NEO1: variants seen among roughly 807,000 people sequenced by gnomAD.
The protein encoded by NEO1 is neogenin 1, also known as neogenin.
A neutral mutation model predicts 159.7 loss-of-function variants in NEO1; 63 were observed. The observed-to-expected ratio is 0.39, with a 90% CI of 0.32 to 0.49. The LOEUF is 0.49. NEO1 is among the 20% of genes least tolerant of loss of function. NEO1 has a pLI of 0.85. For missense variants in NEO1, 1,615 were observed against 1,831.0 expected (o/e 0.88, Z 2.15); for synonymous variants, 633 against 662.0 (o/e 0.96, Z 0.67).
At chr15:73,086,741 G>A (rs1348849532) in intron 1 of NEO1, among the ~76,000 whole-genome samples, 7 of 145,148 alleles carry the variant, frequency 4.8e-5, no homozygotes, top group Non-Finnish European at 7.5e-5. Flanking sequence ...GTGCAGTGGC[G>A]CGATCTTGAT....
chr15:73,220,623 G>A (rs1019081712), intron 7 of NEO1, among the ~76,000 whole-genome samples: 9 of 152,070 alleles, frequency 5.9e-5, no homozygotes, highest in African/African-American at 1.2e-4. Flanking sequence ...GGATTTGTTC[G>A]TTTCTTTTTA....
intron 1 of NEO1, among the ~76,000 whole-genome samples, chr15:73,082,894 A>G (rs2069144101): frequency 6.6e-6 from 1 of 152,172 alleles, no homozygotes. Flanking sequence ...AGCTTCCCTA[A>G]GGAAGTGACG....
intron 18 of NEO1, among the ~76,000 whole-genome samples, chr15:73,271,723 A>G (rs1045100802): frequency 1.3e-5 from 2 of 152,150 alleles, no homozygotes; most frequent in African/African-American, 4.8e-5. Flanking sequence ...CCTGGCCAAC[A>G]TGGCGAAACC....
At chr15:73,287,804 C>A (rs1406144010) in intron 23 of NEO1, among the ~76,000 whole-genome samples, 1 of 151,948 alleles carries the variant, frequency 6.6e-6, no homozygotes, top group Non-Finnish European at 1.5e-5. Flanking sequence ...TCTCTTGAAC[C>A]CAGGAGGCCA....
chr15:73,304,413 A>G lies in NEO1; in HGVS notation c.*1717A>G, dbSNP rs2042716395. The G allele has an allele frequency of 6.6e-6, 1 of 152,230 alleles. No individual in the cohort carries two copies. The highest frequency in any genetic ancestry group is 1.5e-5 in the Non-Finnish European group (1 of 68,072). 9.4% of individuals were successfully genotyped at this position (152,230 alleles called of 1,614,324 possible). A position where few individuals can be genotyped will look rare whatever the true frequency, so the allele number is the denominator to read the frequency against. On this transcript the variant is annotated 3_prime_UTR_variant, in exon 29 of 29. Transcript: ENST00000261908. ...GGGCTTCAGTTCTATAGCCAAGAAGAGATCAGCTGCTGAAACCACCAGTGG... is the reference window on the plus strand; with the variant it reads ...GGGCTTCAGTTCTATAGCCAAGAAGGGATCAGCTGCTGAAACCACCAGTGG...
chr15:73,143,947 A>C (rs1261788569), intron 5 of NEO1, among the ~76,000 whole-genome samples: 2 of 152,190 alleles, frequency 1.3e-5, no homozygotes, highest in African/African-American at 4.8e-5. Flanking sequence ...AGTTCTTATC[A>C]ACAGGAACTG....
chr15:73,212,811 G>T (rs1268740662), intron 7 of NEO1, among the ~76,000 whole-genome samples: 1 of 151,990 alleles, frequency 6.6e-6, no homozygotes, highest in Non-Finnish European at 1.5e-5. Flanking sequence ...TATCTATATT[G>T]TAGAATACTA....
At chr15:73,202,779 A>C (rs2036976363) in intron 7 of NEO1, among the ~76,000 whole-genome samples, 2 of 152,210 alleles carry the variant, frequency 1.3e-5, no homozygotes, top group Admixed American at 6.5e-5. Context: ...CTCTGTGCCC[A>C]TTCAACAAAG....
chr15:73,127,426 A>G (rs9972347), intron 4 of NEO1, among the ~76,000 whole-genome samples: 45,897 of 152,012 alleles, frequency 0.3, 8,490 homozygotes, highest in Admixed American at 0.44. Context: ...GGTGGTAGGT[A>G]GGTATGTTTT....
chr15:73,163,356 C>T (rs2034325974), intron 5 of NEO1, among the ~76,000 whole-genome samples: 1 of 152,110 alleles, frequency 6.6e-6, no homozygotes, highest in Non-Finnish European at 1.5e-5. Flanking sequence ...ACAAAGTAAA[C>T]CTCCTCCTTT....
At chr15:73,176,022 T>A (rs2035263596) in intron 5 of NEO1, among the ~76,000 whole-genome samples, 1 of 152,226 alleles carries the variant, frequency 6.6e-6, no homozygotes, top group South Asian at 2.1e-4. Context: ...AGGAAAGTTT[T>A]ATCAATCTTT....
intron 7 of NEO1, among the ~76,000 whole-genome samples, chr15:73,197,772 C>T (rs1381324132): frequency 1.3e-5 from 2 of 151,448 alleles, no homozygotes; most frequent in Admixed American, 6.6e-5. Context: ...CCTCTTCCTC[C>T]TGTGTTCAAG....
At chr15:73,169,106 G>C (rs902241235) in intron 5 of NEO1, among the ~76,000 whole-genome samples, 1 of 151,946 alleles carries the variant, frequency 6.6e-6, no homozygotes, top group African/African-American at 2.4e-5. Flanking sequence ...AAGTAACCTT[G>C]AATCATTGGT....
intron 1 of NEO1, among the ~76,000 whole-genome samples, chr15:73,064,135 C>T (rs2068098600): frequency 6.6e-6 from 1 of 152,164 alleles, no homozygotes; most frequent in Admixed American, 6.5e-5. Flanking sequence ...AGAGGCATTT[C>T]TGTTTCAGAG....
At chr15:73,127,458 T>C (rs558300018) in intron 4 of NEO1, among the ~76,000 whole-genome samples, 1 of 152,302 alleles carries the variant, frequency 6.6e-6, no homozygotes, top group Admixed American at 6.5e-5. Context: ...TAATGCTGTC[T>C]TGTGCACTGT....
At chr15:73,185,188 A>G (rs1379415201) in intron 7 of NEO1, among the ~76,000 whole-genome samples, 1 of 152,208 alleles carries the variant, frequency 6.6e-6, no homozygotes, top group African/African-American at 2.4e-5. Context: ...ACCACTCTGT[A>G]TGATACTATA....
chr15:73,249,347 T>C (rs1281772968), intron 10 of NEO1, 139 bp downstream of exon 10: 2 of 1,081,986 alleles, frequency 1.8e-6, no homozygotes, highest in East Asian at 2.6e-5. Flanking sequence ...AGATTCTATT[T>C]CTTTGTACCA....
At position 73,293,340 on chromosome 15, in the gene NEO1, G is replaced by C. The variant is rs769793360; in HGVS notation, c.3743-50G>C. On this transcript the variant is annotated intron_variant, in intron 25 of 28. Coordinates refer to ENST00000261908, the MANE Select transcript of NEO1 (RefSeq NM_002499.4). ...TTTGCTCTTAAACTGTGATTTGTGT[G>C]TGTTTGTGCAAGCATGTTAAGCATT... is the stretch of plus-strand genomic sequence containing the variant. 1.9e-6 allele frequency: 3 copies of C among 1,605,066 alleles called. No individual in the cohort carries two copies. The Admixed American group carries it at 5.0e-5, about 27-fold the overall frequency.
intron 7 of NEO1, among the ~76,000 whole-genome samples, chr15:73,195,570 T>G (rs1466824369): frequency 1.3e-5 from 2 of 152,232 alleles, no homozygotes; most frequent in Non-Finnish European, 2.9e-5. Context: ...ATGTTACTAC[T>G]GCCTCATAAC....
Sources: allele counts gnomAD v4.1 joint callset (sites outside exome capture counted in the v4.1 genomes callset), GRCh38; gene constraint gnomAD v4.1.1; transcripts MANE v1.5; gene names NCBI Gene and HGNC (gene_info 2026-07-23, HGNC 2026-07-21).